Variants in CASTOR2 observed in about 807,000 individuals in gnomAD.
The protein encoded by CASTOR2 is cytosolic arginine sensor for mTORC1 subunit 2, also known as GATS protein like 2.
Under a neutral mutation model 31.2 loss-of-function variants are expected in CASTOR2, and 8 were observed. The ratio of observed to expected loss-of-function variants is 0.26; its 90% CI spans 0.15 to 0.46. CASTOR2 has a LOEUF of 0.46. Among genes scored for constraint, CASTOR2 ranks in the 20% least tolerant of loss-of-function variants. The probability of loss-of-function intolerance (pLI) is 0.99; values close to 1 mark genes in which losing one functional copy is unlikely to be tolerated. For missense variants in CASTOR2, 216 were observed against 382.1 expected, an observed-to-expected ratio of 0.57 and a Z score of 3.62; for synonymous variants, 162 against 158.7, an observed-to-expected ratio of 1.02 and a Z score of -0.16.
chr7:75,026,429 A>C lies in CASTOR2; in HGVS notation c.*1730A>C, dbSNP rs1429499402. Among the ~76,000 whole-genome samples the C allele has an allele frequency of 6.6e-6, 1 of 151,980 alleles. No individual in the cohort carries two copies. The highest frequency in any genetic ancestry group is 1.5e-5 in the Non-Finnish European group (1 of 68,012). Reference sequence around the variant, plus strand: ...TGGTCTTGAACTCCTGAGTTAAGTGATCCGCCTGCCTCGGCCTCCCAAAAT... The same window carrying C: ...TGGTCTTGAACTCCTGAGTTAAGTGCTCCGCCTGCCTCGGCCTCCCAAAAT... On this transcript the variant is annotated 3_prime_UTR_variant, in exon 9 of 9. Coordinates refer to ENST00000616305, the MANE Select transcript of CASTOR2 (RefSeq NM_001145064.3).
At chr7:74,999,135 A>G in intron 1 of CASTOR2, among the ~76,000 whole-genome samples, 1 of 151,934 alleles carries the variant, frequency 6.6e-6, no homozygotes, top group Non-Finnish European at 1.5e-5. Context: ...AGCTGGGACT[A>G]CAGGCGCCCG....
chr7:75,022,386 T>A (rs1027494059), intron 7 of CASTOR2, among the ~76,000 whole-genome samples: 455 of 152,224 alleles, frequency 3.0e-3, no homozygotes, highest in Middle Eastern at 0.01. Context: ...GCGCCTGTAA[T>A]CCCAGCTACT....
At chr7:74,996,563 T>G (rs1320112738) in intron 1 of CASTOR2, among the ~76,000 whole-genome samples, 3 of 151,606 alleles carry the variant, frequency 2.0e-5, no homozygotes, top group Admixed American at 6.6e-5. Context: ...TGTGTCTCGG[T>G]GTGCGTTCTC....
chr7:75,025,047 G>A lies in CASTOR2; in HGVS notation c.*348G>A, dbSNP rs942283402. 9.2e-5 allele frequency among the ~76,000 whole-genome samples: 14 copies of A among 152,354 alleles called. No individual in the cohort carries two copies. In the East Asian group the frequency reaches 1.5e-3, roughly 17 times the overall value. On this transcript the variant is annotated 3_prime_UTR_variant, in exon 9 of 9. Transcript: ENST00000616305. ...CCAGGGGCAGATGCCGAGGGAAGCCGGTCCCTCCTGCGAGACACCGGTGTG... is the reference window on the plus strand; with the variant it reads ...CCAGGGGCAGATGCCGAGGGAAGCCAGTCCCTCCTGCGAGACACCGGTGTG...
intron 1 of CASTOR2, among the ~76,000 whole-genome samples, chr7:74,998,438 TA>T (rs2131937684): frequency 6.6e-6 from 1 of 152,174 alleles, no homozygotes; most frequent in East Asian, 1.9e-4. Flanking sequence ...ACCCCATCTC[TA>T]CTAAAAATAC....
At position 75,030,089 on chromosome 7, in the gene CASTOR2, G is replaced by A. The variant is rs956740712; in HGVS notation, c.*5390G>A. Among the ~76,000 whole-genome samples, 1 of 152,262 alleles carries A rather than the reference G, an allele frequency of 6.6e-6. No individual in the cohort carries two copies. The highest frequency in any genetic ancestry group is 2.4e-5 in the African/African-American group (1 of 41,472). Reference sequence around the variant, plus strand: ...TGAGGCCTGAGCCATGGCATCCAGGGACAGCCTGGTGGCCGAGAGAGCTTG... The same window carrying A: ...TGAGGCCTGAGCCATGGCATCCAGGAACAGCCTGGTGGCCGAGAGAGCTTG... On this transcript the variant is annotated 3_prime_UTR_variant, in exon 9 of 9. Transcript: ENST00000616305.
rs1353088845 is a variant in CASTOR2, at chr7:75,026,365, T to G, written c.*1666T>G. 6.6e-6 allele frequency among the ~76,000 whole-genome samples: 1 copy of G among 151,712 alleles called. No individual in the cohort carries two copies. The highest frequency in any genetic ancestry group is 1.5e-5 in the Non-Finnish European group (1 of 67,930). ...CCACCACGTCTGGCTAGTTATTGTA[T>G]TTTTTAATAGAGACGGGATTTCGTA... On this transcript the variant is annotated 3_prime_UTR_variant, in exon 9 of 9. Coordinates refer to ENST00000616305, the MANE Select transcript of CASTOR2 (RefSeq NM_001145064.3).
Position 75,024,526 on chromosome 7 carries a change from C to T in CASTOR2, c.916C>T (p.His306Tyr). The T allele has an allele frequency of 6.4e-7, 1 of 1,551,564 alleles. No individual in the cohort carries two copies. The highest frequency in any genetic ancestry group is 8.7e-7 in the Non-Finnish European group (1 of 1,146,854). ...CTACATCAGTACTTTCAAGTTTGATCATGCACTTGTGAGTGTCCAGCGCCA... is the reference window on the plus strand; with the variant it reads ...CTACATCAGTACTTTCAAGTTTGATTATGCACTTGTGAGTGTCCAGCGCCA... ...AYYISTFKFD[H>Y]ALVPEENING... Residue 306 changes from histidine (H) to tyrosine (Y), a missense_variant, in exon 8 of 9, where the codon CAT (histidine) becomes TAT (tyrosine). Around this residue, in one of 5 missense-constraint regions of CASTOR2, gnomAD observed 31 missense variants for 32.7 expected, o/e 0.95. Coordinates refer to ENST00000616305, the MANE Select transcript of CASTOR2 (RefSeq NM_001145064.3).
At chr7:75,020,907 A>G (rs1159059248) in intron 6 of CASTOR2, among the ~76,000 whole-genome samples, 4 of 150,414 alleles carry the variant, frequency 2.7e-5, no homozygotes, top group African/African-American at 4.9e-5. Context: ...AGTGATCCAC[A>G]TGTCTCAGCC....
intron 1 of CASTOR2, among the ~76,000 whole-genome samples, chr7:74,994,931 G>A (rs1804305083): frequency 6.6e-6 from 1 of 152,080 alleles, no homozygotes; most frequent in Non-Finnish European, 1.5e-5. Context: ...GAGGAGAAGA[G>A]CAGCCACCAC....
At position 75,026,347 on chromosome 7, in the gene CASTOR2, G is replaced by A. The variant is rs1054643354; in HGVS notation, c.*1648G>A. 2.0e-5 allele frequency among the ~76,000 whole-genome samples: 3 copies of A among 151,714 alleles called. No individual in the cohort carries two copies. The highest frequency in any genetic ancestry group is 4.4e-5 in the Non-Finnish European group (3 of 67,924). ...TGGGATTACAGGCACGCACCACCACGTCTGGCTAGTTATTGTATTTTTTAA... is the reference window on the plus strand; with the variant it reads ...TGGGATTACAGGCACGCACCACCACATCTGGCTAGTTATTGTATTTTTTAA... On this transcript the variant is annotated 3_prime_UTR_variant, in exon 9 of 9. Coordinates refer to ENST00000616305, the MANE Select transcript of CASTOR2 (RefSeq NM_001145064.3).
chr7:74,994,879 T>C (rs1804303427), intron 1 of CASTOR2, among the ~76,000 whole-genome samples: 1 of 151,554 alleles, frequency 6.6e-6, no homozygotes, highest in African/African-American at 2.4e-5. Context: ...CAGGGTGTAA[T>C]AGGAGATGAG....
At chr7:74,989,047 G>T (rs1424691413) in intron 1 of CASTOR2, among the ~76,000 whole-genome samples, 5 of 146,708 alleles carry the variant, frequency 3.4e-5, no homozygotes, top group African/African-American at 1.3e-4. Context: ...TGCAAGCTCC[G>T]CCTCCCAGGT....
rs1287426649 is a variant in CASTOR2 at position 74,997,334 on chromosome 7, G to GGC, written c.114-10659_114-10658dup. Among the ~76,000 whole-genome samples the GGC allele has an allele frequency of 2.0e-5, 3 of 152,144 alleles. No homozygotes were observed. In the East Asian group the frequency reaches 5.8e-4, roughly 29 times the overall value. ...TTGATTCCTCACCCTGGTTCCTGAA[G>GGC]GCAGACAGTAGATACCCCTCTTGGA... On this transcript the variant is annotated intron_variant, in intron 1 of 8. Transcript: ENST00000616305.
chr7:75,000,311 G>C (rs1804463396), intron 1 of CASTOR2, among the ~76,000 whole-genome samples: 1 of 152,240 alleles, frequency 6.6e-6, no homozygotes, highest in South Asian at 2.1e-4. Context: ...TGGCTGGCAG[G>C]GGCAGGGGTG....
chr7:75,018,467 A>T (rs1804915836), intron 4 of CASTOR2, among the ~76,000 whole-genome samples: 1 of 152,070 alleles, frequency 6.6e-6, no homozygotes, highest in Admixed American at 6.6e-5. Context: ...TGAACCCAGG[A>T]GGCGGAGGTT....
At chr7:75,003,546 C>A (rs1424334898) in intron 1 of CASTOR2, among the ~76,000 whole-genome samples, 1 of 151,804 alleles carries the variant, frequency 6.6e-6, no homozygotes, top group Admixed American at 6.6e-5. Context: ...GTCAGGAGAT[C>A]GAGACCATCC....
intron 1 of CASTOR2, among the ~76,000 whole-genome samples, chr7:74,975,183 G>T (rs1803772671): frequency 6.6e-6 from 1 of 151,120 alleles, no homozygotes; most frequent in East Asian, 2.0e-4. Flanking sequence ...GGACAGGCTG[G>T]TCTTGAACTC....
chr7:75,021,947 C>T lies in CASTOR2; in HGVS notation c.820C>T (p.Leu274=). 16 of 1,551,662 alleles carry T rather than the reference C, an allele frequency of 1.0e-5. No individual in the cohort carries two copies. Among genetic ancestry groups the T allele is most frequent in the Non-Finnish European group, 1.4e-5 (16 of 1,146,876 alleles). ...GATGGTCCGGATTGGAGGACAGCCC[C>T]TGGGGTTTGGTGAGTCCTGGGGGGA... is the stretch of plus-strand genomic sequence containing the variant. ...WKMVRIGGQP[L]GFDECGIVAQ... The change falls in exon 7 of 9, where the codon CTG becomes TTG. Residue 274 remains leucine (L), a synonymous_variant. Coordinates refer to ENST00000616305, the MANE Select transcript of CASTOR2 (RefSeq NM_001145064.3).
Sources: gnomAD v4.1 joint callset for allele counts (sites outside exome capture counted in the v4.1 genomes callset) on GRCh38, gnomAD v4.1.1 for gene constraint, gnomAD v4.1.1 regional missense constraint, MANE v1.5 for transcripts, NCBI Gene and HGNC (gene_info 2026-07-23, HGNC 2026-07-21) for gene names.